Variants in ZNF428 observed in about 807,000 individuals in gnomAD.
ZNF428 encodes enzyme-like protein PIT13.
In ZNF428, 5 loss-of-function variants were observed where a neutral mutation model predicts 15.6. The observed-to-expected ratio is 0.32, with a 90% CI of 0.17 to 0.67. The LOEUF is 0.67. Among genes scored for constraint, ZNF428 ranks in the 30% least tolerant of loss-of-function variants. ZNF428 has a pLI of 0.73. For missense variants in ZNF428, 237 were observed against 256.0 expected, an observed-to-expected ratio of 0.93 and a Z score of 0.51; for synonymous variants, 97 against 102.2, an observed-to-expected ratio of 0.95 and a Z score of 0.31.
Position 43,607,828 on chromosome 19 carries a change from G to T in ZNF428, c.356C>A (p.Ala119Asp). ...PPCRLCCPAT[A>D]PQEAPAPEGR... ...TTCAGGGGCTGGTGCTTCCTGGGGGGCTGTAGCAGGGCAGCAGAGCCGGCA... is the reference window on the plus strand; with the variant it reads ...TTCAGGGGCTGGTGCTTCCTGGGGGTCTGTAGCAGGGCAGCAGAGCCGGCA... The change falls in exon 3 of 3, where the codon GCC becomes GAC. Residue 119 changes from alanine to aspartate, a missense_variant. Physicochemically the swap from Ala to Asp is moderately radical, Grantham distance 126. Coordinates refer to ENST00000300811, the MANE Select transcript of ZNF428 (RefSeq NM_182498.4). The surrounding 1 kb of genome is among the most constrained non-coding windows in gnomAD (Gnocchi z 5.1). The T allele has an allele frequency of 6.4e-7, 1 of 1,563,554 alleles. No homozygotes were observed. The highest frequency in any genetic ancestry group is 1.9e-5 in the Admixed American group (1 of 51,652).
At chr19:43,609,364 G>GAGAGAGAGAGAGAA (rs1389598786) in intron 2 of ZNF428, among the ~76,000 whole-genome samples, 79 of 152,006 alleles carry the variant, frequency 5.2e-4, no homozygotes, top group African/African-American at 1.0e-3. Flanking sequence ...GCCATGGAGA[G>GAGAGAGAGAGAGAA]AGAGAGAGAG....
chr19:43,618,756 G>GT (rs1171056302), intron 1 of ZNF428, among the ~76,000 whole-genome samples: 1 of 151,978 alleles, frequency 6.6e-6, no homozygotes, highest in Non-Finnish European at 1.5e-5. Flanking sequence ...CTAAAAGGTT[G>GT]TATCTTTTGG....
chr19:43,612,622 G>A lies in ZNF428; in HGVS notation c.76+1607C>T. ...GAACTCCCACTTCACAGCAAAAAGGGAGCCGGGGAAAGAGTTACGGCCGGC... is the reference window on the plus strand; with the variant it reads ...GAACTCCCACTTCACAGCAAAAAGGAAGCCGGGGAAAGAGTTACGGCCGGC... On this transcript the variant is annotated intron_variant, in intron 2 of 2. Coordinates refer to ENST00000300811, the MANE Select transcript of ZNF428 (RefSeq NM_182498.4). This position sits in a 1 kb window ranked among gnomAD's most constrained non-coding sequence, Gnocchi z 4.2. 6.4e-7 allele frequency: 1 copy of A among 1,551,522 alleles called. No individual in the cohort carries two copies. Among genetic ancestry groups the A allele is most frequent in the Non-Finnish European group, 8.7e-7 (1 of 1,146,982 alleles).
At chr19:43,613,893 G>C in intron 2 of ZNF428, 1 of 1,551,680 alleles carries the variant, frequency 6.4e-7, no homozygotes, top group East Asian at 2.4e-5. Context: ...AGCGAGGAGA[G>C]AGATCACAGC....
Position 43,619,580 on chromosome 19 carries a change from G to C in ZNF428, c.-153C>G, listed in dbSNP as rs1973415426. On this transcript the variant is annotated 5_prime_UTR_variant, in exon 1 of 3. Transcript: ENST00000300811. ...CACCGGCGCCGGCGGCCCCCGCTCC[G>C]GCTCTGCGGCGGCGGCTGCACGCCC... 6.6e-6 allele frequency: 1 copy of C among 152,314 alleles called. No individual in the cohort carries two copies. The highest frequency in any genetic ancestry group is 2.1e-4 in the South Asian group (1 of 4,840). 9.4% of individuals were successfully genotyped at this position (152,314 alleles called of 1,614,324 possible).
intron 1 of ZNF428, among the ~76,000 whole-genome samples, chr19:43,618,589 T>TTTTTTGGG (rs1973398288): frequency 8.8e-6 from 1 of 113,064 alleles, no homozygotes; most frequent in Non-Finnish European, 1.9e-5. Flanking sequence ...TTTTTTTTTT[T>TTTTTTGGG]GTAGAGACGG....
At chr19:43,615,422 G>A (rs890403554) in intron 1 of ZNF428, among the ~76,000 whole-genome samples, 2 of 151,976 alleles carry the variant, frequency 1.3e-5, no homozygotes, top group African/African-American at 2.4e-5. Flanking sequence ...AAATAAGGCC[G>A]GGCGCAGTGA....
At chr19:43,608,553 C>A (rs1327685386) in intron 2 of ZNF428, 1 of 157,740 alleles carries the variant, frequency 6.3e-6, no homozygotes, top group Admixed American at 6.3e-5. Context: ...TCACTTGAGC[C>A]GAGGAGTTCC....
intron 1 of ZNF428, among the ~76,000 whole-genome samples, chr19:43,616,168 A>G (rs1973369737): frequency 6.6e-6 from 1 of 152,172 alleles, no homozygotes; most frequent in South Asian, 2.1e-4. Flanking sequence ...GAAAACCAAT[A>G]TATTTATATA....
At chr19:43,615,182 T>G (rs1973360014) in intron 1 of ZNF428, among the ~76,000 whole-genome samples, 1 of 152,086 alleles carries the variant, frequency 6.6e-6, no homozygotes, top group Admixed American at 6.5e-5. Flanking sequence ...CAGAATTCTG[T>G]GACCAAATGT....
In ZNF428 at chr19:43,607,794, G is replaced by A; in HGVS notation, c.390C>T (p.Ala130=). The part of the protein sequence containing the change: ...PQEAPAPEGR[A]LGEEEEEPPR... Reference sequence around the variant, plus strand: ...GTGGTTCCTCCTCTTCCTCCCCGAGGGCCCTGCCTTCAGGGGCTGGTGCTT... The same window carrying A: ...GTGGTTCCTCCTCTTCCTCCCCGAGAGCCCTGCCTTCAGGGGCTGGTGCTT... The change falls in exon 3 of 3, where the codon GCC becomes GCT. Residue 130 remains alanine (A), a synonymous_variant. Transcript: ENST00000300811. The surrounding 1 kb of genome is among the most constrained non-coding windows in gnomAD (Gnocchi z 5.1). 1 of 1,586,574 alleles carries A rather than the reference G, an allele frequency of 6.3e-7. No homozygotes were observed. The highest frequency in any genetic ancestry group is 8.6e-7 in the Non-Finnish European group (1 of 1,166,688).
intron 2 of ZNF428, chr19:43,613,677 G>C (rs928988692): frequency 1.9e-6 from 3 of 1,551,484 alleles, no homozygotes; most frequent in Non-Finnish European, 2.6e-6. Context: ...AGCAAAGAGA[G>C]AGATCACAGA....
In ZNF428 at chr19:43,612,425, A is replaced by C. The variant is rs1235419029; in HGVS notation, c.76+1804T>G. ...GGTGAGCACCGACACCAGGACCAGC[A>C]AAGCCAGCAAGGCCAGCGACGTGAG... On this transcript the variant is annotated intron_variant, in intron 2 of 2. Transcript: ENST00000300811. The surrounding 1 kb of genome is among the most constrained non-coding windows in gnomAD (Gnocchi z 4.2). 1 of 1,551,044 alleles carries C rather than the reference A, an allele frequency of 6.4e-7. No homozygotes were observed. Among genetic ancestry groups the C allele is most frequent in the East Asian group, 2.4e-5 (1 of 40,938 alleles).
chr19:43,611,961 C>A, intron 2 of ZNF428: 1 of 633,310 alleles, frequency 1.6e-6, no homozygotes, highest in Non-Finnish European at 2.8e-6. Context: ...CCCCTCTCTC[C>A]TCCCACCTCT....
chr19:43,613,911 G>C lies in ZNF428; in HGVS notation c.76+318C>G, dbSNP rs573270782. 49 of 1,551,580 alleles carry C rather than the reference G, an allele frequency of 3.2e-5. No individual in the cohort carries two copies. The South Asian group carries it at 5.6e-4, about 18-fold the overall frequency. On this transcript the variant is annotated intron_variant, in intron 2 of 2. Coordinates refer to ENST00000300811, the MANE Select transcript of ZNF428 (RefSeq NM_182498.4). Reference sequence around the variant, plus strand: ...GAGGAGAGAGATCACAGCCGATCTAGAAGCCCCAATAAGCAGAGTGGTTAC... The same window carrying C: ...GAGGAGAGAGATCACAGCCGATCTACAAGCCCCAATAAGCAGAGTGGTTAC...
intron 1 of ZNF428, among the ~76,000 whole-genome samples, chr19:43,618,470 T>C (rs1056792242): frequency 2.0e-5 from 3 of 151,690 alleles, no homozygotes; most frequent in Admixed American, 2.0e-4. Flanking sequence ...GTTAGCTCAC[T>C]GTAACCTCAA....
chr19:43,612,596 A>G lies in ZNF428; in HGVS notation c.76+1633T>C. Reference sequence around the variant, plus strand: ...CAGACCAGGCATGGCCAGCAGGGTGAGAACTCCCACTTCACAGCAAAAAGG... The same window carrying G: ...CAGACCAGGCATGGCCAGCAGGGTGGGAACTCCCACTTCACAGCAAAAAGG... On this transcript the variant is annotated intron_variant, in intron 2 of 2. Transcript: ENST00000300811. The surrounding 1 kb of genome is among the most constrained non-coding windows in gnomAD (Gnocchi z 4.2). The G allele has an allele frequency of 6.4e-7, 1 of 1,551,626 alleles. No homozygotes were observed. The highest frequency in any genetic ancestry group is 2.0e-5 in the Admixed American group (1 of 51,010).
intron 2 of ZNF428, among the ~76,000 whole-genome samples, chr19:43,609,453 G>A (rs1410004220): frequency 6.6e-6 from 1 of 151,556 alleles, no homozygotes; most frequent in Non-Finnish European, 1.5e-5. Context: ...ACAGGCCTAG[G>A]ACAAGTTTAG....
At chr19:43,617,667 C>G (rs1372396690) in intron 1 of ZNF428, among the ~76,000 whole-genome samples, 1 of 152,176 alleles carries the variant, frequency 6.6e-6, no homozygotes, top group Non-Finnish European at 1.5e-5. Flanking sequence ...CCAGATTTAG[C>G]AAATAAAAAC....
Sources: allele counts gnomAD v4.1 joint callset (sites outside exome capture counted in the v4.1 genomes callset), GRCh38; gene constraint gnomAD v4.1.1; non-coding constraint Gnocchi (gnomAD v3.1); transcripts MANE v1.5; gene names NCBI Gene and HGNC (gene_info 2026-07-23, HGNC 2026-07-21).